Variants in DNAJC8 observed in about 807,000 individuals in gnomAD.
DNAJC8 encodes the protein DnaJ heat shock protein family (Hsp40) member C8.
DNAJC8 carries 24 observed loss-of-function variants against 43.2 expected under a neutral mutation model. The ratio of observed to expected loss-of-function variants is 0.56; its 90% CI spans 0.40 to 0.78. The LOEUF is 0.78. Among genes scored for constraint, DNAJC8 ranks in the 30% least tolerant of loss-of-function variants. The probability of loss-of-function intolerance (pLI) is 0.00; values close to 1 mark genes in which losing one functional copy is unlikely to be tolerated. For synonymous variants in DNAJC8, 83 were observed against 98.0 expected, an observed-to-expected ratio of 0.85 and a Z score of 0.90; for missense variants, 207 against 299.4, an observed-to-expected ratio of 0.69 and a Z score of 2.28.
intron 2 of DNAJC8, among the ~76,000 whole-genome samples, chr1:28,224,124 T>C (rs1646917635): frequency 6.6e-6 from 1 of 152,156 alleles, no homozygotes; most frequent in South Asian, 2.1e-4. Context: ...AATTACAACG[T>C]ACTGAATAAA....
chr1:28,226,335 T>C (rs1646934527), intron 2 of DNAJC8, among the ~76,000 whole-genome samples: 1 of 150,950 alleles, frequency 6.6e-6, no homozygotes, highest in African/African-American at 2.4e-5. Context: ...GAAACCCATC[T>C]CTACAAAAAA....
Position 28,201,376 on chromosome 1 carries a change from T to A in DNAJC8, c.640-6A>T, listed in dbSNP as rs1221981957. On this transcript the variant is annotated splice_polypyrimidine_tract_variant and splice_region_variant and intron_variant, in intron 8 of 8. Transcript: ENST00000263697. Reference sequence around the variant, plus strand: ...ACACGACCATCTCGACTTTCCTAAGTACAAAAGAAGTTTGAGGTGAGGAGA... The same window carrying A: ...ACACGACCATCTCGACTTTCCTAAGAACAAAAGAAGTTTGAGGTGAGGAGA... 6.2e-7 allele frequency: 1 copy of A among 1,613,762 alleles called. No homozygotes were observed. The highest frequency in any genetic ancestry group is 1.1e-5 in the South Asian group (1 of 91,076).
intron 2 of DNAJC8, among the ~76,000 whole-genome samples, chr1:28,220,715 A>G (rs566846317): frequency 6.6e-6 from 1 of 152,322 alleles, no homozygotes; most frequent in Admixed American, 6.5e-5. Flanking sequence ...GACACATTCT[A>G]ACCACAGCTC....
chr1:28,212,055 C>T (rs1436598808), intron 3 of DNAJC8, among the ~76,000 whole-genome samples: 1 of 150,488 alleles, frequency 6.6e-6, no homozygotes, highest in African/African-American at 2.4e-5. Flanking sequence ...ACTCAGGACG[C>T]TGAGGCAAGA....
intron 3 of DNAJC8, among the ~76,000 whole-genome samples, chr1:28,213,156 T>C (rs1429168089): frequency 1.3e-5 from 2 of 152,278 alleles, no homozygotes; most frequent in East Asian, 3.9e-4. Flanking sequence ...GCTTGTTAAG[T>C]GGTACAGTCA....
Position 28,210,024 on chromosome 1 carries a change from T to G in DNAJC8, c.347A>C (p.Lys116Thr), listed in dbSNP as rs763713933. The G allele has an allele frequency of 1.9e-6, 3 of 1,614,166 alleles. No individual in the cohort carries two copies. The highest frequency in any genetic ancestry group is 2.5e-6 in the Non-Finnish European group (3 of 1,180,000). Residue 116 changes from lysine to threonine, a missense_variant, in exon 5 of 9, where the codon AAG becomes ACG. Lys to Thr is a moderately conservative substitution (Grantham distance 78, BLOSUM62 -1). Transcript: ENST00000263697. ...CTGAATTACATCCAGGGCCCTCTTC[T>G]TTTGCTCCTGATCCAGTAGCAACTT... Reference protein sequence around the residue: ...AYKLLLDQEQKKRALDVIQAG... With the variant: ...AYKLLLDQEQTKRALDVIQAG...
intron 4 of DNAJC8, 85 bp from the exon 5 acceptor site, chr1:28,210,151 G>T: frequency 1.8e-6 from 2 of 1,089,814 alleles, no homozygotes; most frequent in Non-Finnish European, 2.8e-6. Context: ...ATGGACTTGT[G>T]CTCTCTAAAG....
chr1:28,201,053 C>CT lies in DNAJC8; in HGVS notation c.*194dup. The CT allele has an allele frequency of 5.0e-6, 4 of 804,516 alleles. No homozygotes were observed. Among genetic ancestry groups the CT allele is most frequent in the Non-Finnish European group, 5.6e-6 (3 of 531,706 alleles). The allele number at this position is 804,516 out of a possible 1,614,324, so 49.8% of individuals were successfully genotyped here. A position where few individuals can be genotyped will look rare whatever the true frequency, so the allele number is the denominator to read the frequency against. ...TCTAGGGGCAGGGAGAGGGAAAGGT[C>CT]TTTTTTTAAACCAAGCCCCTCATTT... On this transcript the variant is annotated 3_prime_UTR_variant, in exon 9 of 9. Transcript: ENST00000263697.
At chr1:28,215,631 C>T (rs539873028) in intron 2 of DNAJC8, among the ~76,000 whole-genome samples, 3 of 150,624 alleles carry the variant, frequency 2.0e-5, no homozygotes, top group Non-Finnish European at 3.0e-5. Flanking sequence ...TCCACCTCCG[C>T]GGTTCAAGCG....
chr1:28,212,168 A>AATATATATATATAT (rs201782610), intron 3 of DNAJC8, among the ~76,000 whole-genome samples: 25 of 30,964 alleles, frequency 8.1e-4, no homozygotes, highest in South Asian at 1.4e-3. Flanking sequence ...TAAATAAATA[A>AATATATATATATAT]ATATATATAT....
At chr1:28,205,904 C>T (rs1019444652) in intron 6 of DNAJC8, among the ~76,000 whole-genome samples, 4 of 151,882 alleles carry the variant, frequency 2.6e-5, no homozygotes, top group Admixed American at 1.3e-4. Context: ...CAAAAATTAG[C>T]GGGGCATGGT....
intron 2 of DNAJC8, among the ~76,000 whole-genome samples, chr1:28,223,829 C>T (rs994279612): frequency 4.6e-5 from 7 of 151,736 alleles, no homozygotes; most frequent in Non-Finnish European, 1.0e-4. Flanking sequence ...TGGGTGTAAA[C>T]ATATATGTAC....
chr1:28,225,336 G>A (rs577877737), intron 2 of DNAJC8, among the ~76,000 whole-genome samples: 22 of 151,386 alleles, frequency 1.5e-4, no homozygotes, highest in African/African-American at 5.3e-4. Context: ...TCTTCATATT[G>A]TATTTGAAAT....
chr1:28,226,353 A>C (rs1362376829), intron 2 of DNAJC8, among the ~76,000 whole-genome samples: 1 of 151,108 alleles, frequency 6.6e-6, no homozygotes, highest in Non-Finnish European at 1.5e-5. Context: ...AAATACAAAA[A>C]TTAGCCAGGC....
intron 6 of DNAJC8, among the ~76,000 whole-genome samples, chr1:28,207,756 T>C (rs1034784980): frequency 6.6e-6 from 1 of 151,602 alleles, no homozygotes; most frequent in East Asian, 2.0e-4. Flanking sequence ...AAAATGTTTT[T>C]TTAAAAAATA....
intron 6 of DNAJC8, among the ~76,000 whole-genome samples, chr1:28,207,707 T>G (rs1646779345): frequency 2.0e-5 from 3 of 150,740 alleles, no homozygotes; most frequent in Admixed American, 2.0e-4. Context: ...CTCCCAAATT[T>G]CTGGGATTAC....
At chr1:28,227,959 T>C (rs112373508) in intron 2 of DNAJC8, among the ~76,000 whole-genome samples, 4 of 152,346 alleles carry the variant, frequency 2.6e-5, no homozygotes, top group Non-Finnish European at 5.9e-5. Flanking sequence ...AATCAAAAAG[T>C]ATATTCATTT....
chr1:28,225,053 T>G (rs926468286), intron 2 of DNAJC8, among the ~76,000 whole-genome samples: 1 of 151,210 alleles, frequency 6.6e-6, no homozygotes, highest in Admixed American at 6.6e-5. Context: ...AACACCTTTT[T>G]GGGACAATTA....
intron 2 of DNAJC8, among the ~76,000 whole-genome samples, chr1:28,224,198 T>A (rs1169743918): frequency 2.6e-5 from 4 of 152,186 alleles, no homozygotes; most frequent in Admixed American, 2.0e-4. Context: ...GACAGGATAT[T>A]TACCAAGTTT....
Sources: allele counts gnomAD v4.1 joint callset (sites outside exome capture counted in the v4.1 genomes callset), GRCh38; gene constraint gnomAD v4.1.1; transcripts MANE v1.5; gene names NCBI Gene and HGNC (gene_info 2026-07-23, HGNC 2026-07-21).